GLIPR1L2: variants seen among roughly 807,000 people sequenced by gnomAD.
The protein encoded by GLIPR1L2 is GLIPR1 like 2, also known as GLIPR1-like protein 2.
GLIPR1L2 carries 21 observed loss-of-function variants against 28.4 expected under a neutral mutation model. The ratio of observed to expected loss-of-function variants is 0.74; its 90% confidence interval spans 0.52 to 1.06. The LOEUF (loss-of-function observed/expected upper bound fraction) is 1.06, where lower values mean the gene tolerates loss of function less well. Ranked by LOEUF, GLIPR1L2 falls within the 50% of genes least tolerant of loss-of-function variation. The pLI is 0.00. For missense variants in GLIPR1L2, 476 were observed against 416.9 expected (o/e 1.14, Z -1.23); for synonymous variants, 145 against 139.3 (o/e 1.04, Z -0.29).
chr12:75,411,936 A>G (rs2045872163), intron 2 of GLIPR1L2, among the ~76,000 whole-genome samples: 1 of 151,984 alleles, frequency 6.6e-6, no homozygotes, highest in Non-Finnish European at 1.5e-5. Context: ...GCCTTTGATT[A>G]TTCCCATCTT....
intron 1 of GLIPR1L2, among the ~76,000 whole-genome samples, chr12:75,406,156 A>C: frequency 6.6e-6 from 1 of 151,932 alleles, no homozygotes; most frequent in Middle Eastern, 3.4e-3. Flanking sequence ...TTTTTAAAAA[A>C]AAATTATGTT....
At chr12:75,421,800 T>G (rs913791178) in intron 3 of GLIPR1L2, among the ~76,000 whole-genome samples, 1 of 151,994 alleles carries the variant, frequency 6.6e-6, no homozygotes, top group African/African-American at 2.4e-5. Context: ...CTTTATAAAT[T>G]TATGTGTTTT....
intron 3 of GLIPR1L2, among the ~76,000 whole-genome samples, chr12:75,420,697 A>G (rs113124930): frequency 1.1e-4 from 16 of 152,326 alleles, no homozygotes; most frequent in African/African-American, 3.8e-4. Flanking sequence ...ATCTGGCCCA[A>G]TAATTCCAAT....
At chr12:75,399,918 T>G (rs578113682) in intron 1 of GLIPR1L2, among the ~76,000 whole-genome samples, 1 of 152,306 alleles carries the variant, frequency 6.6e-6, no homozygotes, top group East Asian at 1.9e-4. Flanking sequence ...ATTTCTGGTA[T>G]CTATCCTAAG....
At chr12:75,398,536 G>T (rs1366961802) in intron 1 of GLIPR1L2, among the ~76,000 whole-genome samples, 1 of 152,022 alleles carries the variant, frequency 6.6e-6, no homozygotes, top group Non-Finnish European at 1.5e-5. Context: ...ATTCTTGGAT[G>T]CTAGGAGCAC....
At chr12:75,405,169 G>T (rs1470934283) in intron 1 of GLIPR1L2, among the ~76,000 whole-genome samples, 1 of 152,148 alleles carries the variant, frequency 6.6e-6, no homozygotes, top group Non-Finnish European at 1.5e-5. Flanking sequence ...TGTAGGATAT[G>T]TTTTTGTCAA....
chr12:75,430,080 C>CAA, intron 4 of GLIPR1L2, among the ~76,000 whole-genome samples: 1 of 151,916 alleles, frequency 6.6e-6, no homozygotes, highest in Non-Finnish European at 1.5e-5. Flanking sequence ...AGACTACAGG[C>CAA]AAAACCTCTT....
intron 1 of GLIPR1L2, 176 bp downstream of exon 1, chr12:75,391,526 A>T (rs1453361074): frequency 1.3e-6 from 2 of 1,530,384 alleles, no homozygotes; most frequent in East Asian, 2.5e-5. Flanking sequence ...GGACACTCTA[A>T]CACATGCTTA....
At chr12:75,398,328 CA>C (rs71078729) in intron 1 of GLIPR1L2, among the ~76,000 whole-genome samples, 2,149 of 87,792 alleles carry the variant, frequency 0.024, 19 homozygotes, top group African/African-American at 0.081. Context: ...GACTCCATCT[CA>C]AAAAAAAAAA....
chr12:75,412,334 A>C (rs917973192), intron 2 of GLIPR1L2, among the ~76,000 whole-genome samples: 8 of 152,092 alleles, frequency 5.3e-5, no homozygotes, highest in Admixed American at 3.9e-4. Flanking sequence ...ACAAGCTAAA[A>C]TTGACAAATG....
intron 1 of GLIPR1L2, among the ~76,000 whole-genome samples, chr12:75,409,173 T>G (rs1555232594): frequency 6.6e-6 from 1 of 152,172 alleles, no homozygotes; most frequent in Non-Finnish European, 1.5e-5. Flanking sequence ...TGTTAGTGTA[T>G]TTTATGTGTG....
intron 1 of GLIPR1L2, among the ~76,000 whole-genome samples, chr12:75,395,764 TC>T (rs1213064731): frequency 6.6e-6 from 1 of 152,086 alleles, no homozygotes; most frequent in Non-Finnish European, 1.5e-5. Context: ...TGTCTTTATT[TC>T]TTACTCAGTC....
intron 4 of GLIPR1L2, among the ~76,000 whole-genome samples, chr12:75,425,635 T>C (rs1456379645): frequency 6.6e-6 from 1 of 152,222 alleles, no homozygotes; most frequent in East Asian, 1.9e-4. Flanking sequence ...AAACTTATAC[T>C]AAAACAATAT....
Position 75,431,133 on chromosome 12 carries a change from A to G in GLIPR1L2, c.1007A>G (p.Lys336Arg). Residue 336 changes from lysine (K) to arginine (R), a missense_variant, in exon 6 of 6, where the codon AAA (lysine) becomes AGA (arginine). Lys to Arg is a conservative substitution (Grantham distance 26). Coordinates refer to ENST00000550916, the MANE Select transcript of GLIPR1L2 (RefSeq NM_001270396.2). ...EREEEEEETQKEKMEEEEK is the reference protein window; with the variant it reads ...EREEEEEETQREKMEEEEK ...GAGGAGGAGGAGGAGGAAACACAAAAAGAAAAGATGGAGGAAGAGGAAAAA... is the reference window on the plus strand; with the variant it reads ...GAGGAGGAGGAGGAGGAAACACAAAGAGAAAAGATGGAGGAAGAGGAAAAA... 2 of 874,054 alleles carry G rather than the reference A, an allele frequency of 2.3e-6. No individual in the cohort carries two copies. The highest frequency in any genetic ancestry group is 3.6e-6 in the Non-Finnish European group (2 of 551,184). 54.1% of individuals were successfully genotyped at this position (874,054 alleles called of 1,614,324 possible).
chr12:75,391,402 C>T (rs1342944849), intron 1 of GLIPR1L2, 52 bp downstream of exon 1: 7 of 1,602,572 alleles, frequency 4.4e-6, no homozygotes, highest in Non-Finnish European at 6.0e-6. Flanking sequence ...GCCACAACGC[C>T]TCCCTGGATC....
At position 75,394,659 on chromosome 12, in the gene GLIPR1L2, A is replaced by G. The variant is rs117938850; in HGVS notation, c.234+3309A>G. 5.2e-4 allele frequency among the ~76,000 whole-genome samples: 78 copies of G among 151,030 alleles called. No homozygotes were observed. The East Asian group carries it at 7.8e-3, about 15-fold the overall frequency. On this transcript the variant is annotated intron_variant, in intron 1 of 5. Coordinates refer to ENST00000550916, the MANE Select transcript of GLIPR1L2 (RefSeq NM_001270396.2). ...AGAATACTGGTAAGTAGAAATTAGG[A>G]AGTGTGCATTCTTCAACTTTTTTCA...
chr12:75,401,643 A>C (rs988863772), intron 1 of GLIPR1L2, among the ~76,000 whole-genome samples: 2 of 152,064 alleles, frequency 1.3e-5, no homozygotes, highest in Non-Finnish European at 2.9e-5. Flanking sequence ...ATAAAGAAAA[A>C]CTTAAGTAGA....
At chr12:75,397,490 G>A (rs1325105791) in intron 1 of GLIPR1L2, among the ~76,000 whole-genome samples, 1 of 152,070 alleles carries the variant, frequency 6.6e-6, no homozygotes, top group Non-Finnish European at 1.5e-5. Flanking sequence ...TTGTGTGTGT[G>A]TGAAAGAGTC....
chr12:75,415,817 A>G (rs1195813969), intron 3 of GLIPR1L2, among the ~76,000 whole-genome samples: 1 of 152,064 alleles, frequency 6.6e-6, no homozygotes, highest in Non-Finnish European at 1.5e-5. Flanking sequence ...TCATGTTTCA[A>G]ATCTCTGTCT....
Sources: allele counts gnomAD v4.1 joint callset (sites outside exome capture counted in the v4.1 genomes callset), GRCh38; gene constraint gnomAD v4.1.1; transcripts MANE v1.5; gene names NCBI Gene and HGNC (gene_info 2026-07-23, HGNC 2026-07-21).